ITGA11: variants seen among roughly 807,000 people sequenced by gnomAD.
ITGA11 encodes integrin subunit alpha 11, also known as integrin alpha-11.
A neutral mutation model predicts 141.9 loss-of-function variants in ITGA11; 97 were observed. The ratio of observed to expected loss-of-function variants is 0.68; its 90% CI spans 0.58 to 0.81. The LOEUF (loss-of-function observed/expected upper bound fraction) is 0.81. ITGA11 is among the 30% of genes least tolerant of loss of function. ITGA11 has a pLI of 0.00. For missense variants in ITGA11, 1,387 were observed against 1,559.2 expected (o/e 0.89, Z 1.86); for synonymous variants, 658 against 624.6 (o/e 1.05, Z -0.80).
intron 23 of ITGA11, among the ~76,000 whole-genome samples, chr15:68,313,249 ACTT>A (rs1893455021): frequency 7.0e-6 from 1 of 143,234 alleles, no homozygotes; most frequent in South Asian, 2.2e-4. Context: ...TTCTGCCCTG[ACTT>A]CTCCATCTGC....
intron 3 of ITGA11, among the ~76,000 whole-genome samples, chr15:68,368,274 G>A (rs1335217299): frequency 2.6e-5 from 4 of 152,192 alleles, no homozygotes; most frequent in African/African-American, 9.6e-5. Context: ...CCTGGCCCTA[G>A]GGAAGTCCAG....
chr15:68,303,897 G>C lies in ITGA11; in HGVS notation c.3382-12C>G, dbSNP rs369769254. On this transcript the variant is annotated splice_polypyrimidine_tract_variant and intron_variant, in intron 28 of 29. Transcript: ENST00000315757. This position sits in a 1 kb window ranked among gnomAD's most constrained non-coding sequence, Gnocchi z 5.3. Reference sequence around the variant, plus strand: ...ATCTCAAACACGATCTGCAAGGGGAGGGGGGCCGGGCCAACAGCATTACTC... The same window carrying C: ...ATCTCAAACACGATCTGCAAGGGGACGGGGGCCGGGCCAACAGCATTACTC... 2.5e-6 allele frequency: 4 copies of C among 1,572,188 alleles called. No homozygotes were observed. In the African/African-American group the frequency reaches 5.4e-5, roughly 21 times the overall value.
Position 68,332,442 on chromosome 15 carries a change from C to T in ITGA11, c.1462G>A (p.Asp488Asn). Reference protein sequence around the residue: ...SYFGSEITSVDIDGDGVTDVL... With the variant: ...SYFGSEITSVNIDGDGVTDVL... ...TCAGTCACGCCGTCGCCGTCGATGT[C>T]CACCGAGGTGATTTCACTCCCAAAG... Residue 488 changes from aspartate to asparagine, a missense_variant, in exon 13 of 30, where the codon GAC (aspartate) becomes AAC (asparagine). Coordinates refer to ENST00000315757, the MANE Select transcript of ITGA11 (RefSeq NM_001004439.2). The T allele has an allele frequency of 6.2e-7, 1 of 1,612,128 alleles. No homozygotes were observed.
intron 3 of ITGA11, among the ~76,000 whole-genome samples, chr15:68,368,784 G>A (rs1443145941): frequency 6.6e-6 from 1 of 151,902 alleles, no homozygotes; most frequent in African/African-American, 2.4e-5. Flanking sequence ...CCTCACACAT[G>A]GTGAACATTA....
chr15:68,431,889 C>G lies in ITGA11; in HGVS notation c.52+126G>C, dbSNP rs940761041. 1.9e-5 allele frequency: 12 copies of G among 617,710 alleles called. No individual in the cohort carries two copies. In the African/African-American group the frequency reaches 2.1e-4, roughly 11 times the overall value. 38.3% of individuals were successfully genotyped at this position (617,710 alleles called of 1,614,324 possible). A position where few individuals can be genotyped will look rare whatever the true frequency, so the allele number is the denominator to read the frequency against. On this transcript the variant is annotated intron_variant, in intron 1 of 29. Coordinates refer to ENST00000315757, the MANE Select transcript of ITGA11 (RefSeq NM_001004439.2). ...GGCCAGTCCCTGGGGGACCCACGTC[C>G]CCAAGAGCAGCTGAGGTCTGACCCT... is the stretch of plus-strand genomic sequence containing the variant.
chr15:68,373,258 A>G (rs967564), intron 2 of ITGA11, among the ~76,000 whole-genome samples: 152,131 of 152,228 alleles, frequency 1, 76,017 homozygotes, highest in Non-Finnish European at 1. Flanking sequence ...CTTGAGGTCT[A>G]AGATGTCCTG....
chr15:68,369,135 G>A (rs767210737), intron 3 of ITGA11, 49 bp downstream of exon 3: 1 of 1,375,170 alleles, frequency 7.3e-7, no homozygotes, highest in East Asian at 2.3e-5. Flanking sequence ...CCTGCCTTGT[G>A]TTAGACAACC....
At chr15:68,399,509 A>G (rs1896412470) in intron 2 of ITGA11, among the ~76,000 whole-genome samples, 1 of 152,096 alleles carries the variant, frequency 6.6e-6, no homozygotes, top group African/African-American at 2.4e-5. Context: ...ATGCACTTGT[A>G]TGTTTTATCA....
At chr15:68,363,173 A>C (rs149624677) in intron 4 of ITGA11, among the ~76,000 whole-genome samples, 3,488 of 152,268 alleles carry the variant, frequency 0.023, 54 homozygotes, top group South Asian at 0.035. Context: ...TGGATAGATG[A>C]ATGGAGGAAT....
chr15:68,401,106 T>C (rs561281071), intron 2 of ITGA11, among the ~76,000 whole-genome samples: 8 of 149,484 alleles, frequency 5.4e-5, no homozygotes, highest in African/African-American at 2.0e-4. Flanking sequence ...TTATGAAAAG[T>C]TGGTCAACAT....
At position 68,298,582 on chromosome 15, in the gene ITGA11, T is replaced by G. The variant is rs1183612415; in HGVS notation, c.*4477A>C. The stretch of plus-strand genomic sequence containing the variant: ...TCGAGGCTGCAGGGAGCTGTGATTG[T>G]GCCGCTGCACTCTAGCCTGGGTGAC... On this transcript the variant is annotated 3_prime_UTR_variant, in exon 30 of 30. Coordinates refer to ENST00000315757, the MANE Select transcript of ITGA11 (RefSeq NM_001004439.2). 2.0e-5 allele frequency: 3 copies of G among 152,350 alleles called. No individual in the cohort carries two copies. In the East Asian group the frequency reaches 5.8e-4, roughly 29 times the overall value. 9.4% of individuals were successfully genotyped at this position (152,350 alleles called of 1,614,324 possible).
At chr15:68,339,752 C>A in intron 10 of ITGA11, 108 bp from the exon 11 acceptor site, 1 of 1,307,338 alleles carries the variant, frequency 7.6e-7, no homozygotes, top group East Asian at 2.4e-5. Flanking sequence ...ACCTCGGGCA[C>A]CTTCTCCTGG....
At chr15:68,413,392 C>G (rs969937579) in intron 1 of ITGA11, among the ~76,000 whole-genome samples, 1 of 152,186 alleles carries the variant, frequency 6.6e-6, no homozygotes, top group Non-Finnish European at 1.5e-5. Flanking sequence ...TATTTGGGGT[C>G]TATGGAGCTC....
intron 21 of ITGA11, 126 bp downstream of exon 21, chr15:68,317,139 A>T (rs1472198474): frequency 5.8e-6 from 4 of 695,292 alleles, no homozygotes; most frequent in Non-Finnish European, 7.7e-6. Flanking sequence ...AATAAAAGCC[A>T]CCTCAGGCCT....
At chr15:68,379,068 A>G (rs1193946065) in intron 2 of ITGA11, among the ~76,000 whole-genome samples, 1 of 152,222 alleles carries the variant, frequency 6.6e-6, no homozygotes, top group Admixed American at 6.5e-5. Context: ...TGTGCCATTT[A>G]CAGTGTCTGA....
At chr15:68,351,545 G>A in intron 7 of ITGA11, 143 bp from the exon 8 acceptor site, 1 of 755,620 alleles carries the variant, frequency 1.3e-6, no homozygotes, top group South Asian at 1.7e-5. Flanking sequence ...TCAAACCAAA[G>A]AAGTAGCTGG....
chr15:68,417,795 C>G (rs2140432592), intron 1 of ITGA11, among the ~76,000 whole-genome samples: 1 of 152,354 alleles, frequency 6.6e-6, no homozygotes, highest in East Asian at 1.9e-4. Context: ...CTTTTCTCAG[C>G]TGGCTCCTTC....
At chr15:68,369,368 G>T in intron 2 of ITGA11, 84 bp from the exon 3 acceptor site, 4 of 338,906 alleles carry the variant, frequency 1.2e-5, no homozygotes, top group South Asian at 9.9e-5. Flanking sequence ...GCAGTGTGGA[G>T]GTGAAGTTGG....
In ITGA11 at chr15:68,335,981, C is replaced by G; in HGVS notation, c.1277-136G>C. The stretch of plus-strand genomic sequence containing the variant: ...TCAGGGCTAGCTGAGCAGATTCAAT[C>G]ACGCAGGGCCATAATTCCTAGGGGC... On this transcript the variant is annotated intron_variant, in intron 11 of 29. Coordinates refer to ENST00000315757, the MANE Select transcript of ITGA11 (RefSeq NM_001004439.2). The surrounding 1 kb of genome is among the most constrained non-coding windows in gnomAD (Gnocchi z 4.9). 1 of 1,005,808 alleles carries G rather than the reference C, an allele frequency of 9.9e-7. No individual in the cohort carries two copies. The highest frequency in any genetic ancestry group is 1.5e-6 in the Non-Finnish European group (1 of 688,772). The allele number at this position is 1,005,808 out of a possible 1,614,324, so 62.3% of individuals were successfully genotyped here.
Sources: allele counts gnomAD v4.1 joint callset (sites outside exome capture counted in the v4.1 genomes callset), GRCh38; gene constraint gnomAD v4.1.1; non-coding constraint Gnocchi (gnomAD v3.1); transcripts MANE v1.5; gene names NCBI Gene and HGNC (gene_info 2026-07-23, HGNC 2026-07-21).